The following NRF1 variants were observed in gnomAD, a reference collection of about 807,000 sequenced individuals.
The protein encoded by NRF1 is alpha palindromic-binding protein.
Under a neutral mutation model 58.5 loss-of-function variants are expected in NRF1, and 5 were observed. The observed-to-expected ratio is 0.09, with a 90% CI of 0.04 to 0.18. The LOEUF is 0.18. NRF1 is among the 10% of genes least tolerant of loss of function. The pLI is 1.00. For synonymous variants in NRF1, 224 were observed against 246.7 expected, an observed-to-expected ratio of 0.91 and a Z score of 0.86; for missense variants, 288 against 657.7, an observed-to-expected ratio of 0.44 and a Z score of 6.15.
intron 1 of NRF1, among the ~76,000 whole-genome samples, chr7:129,622,766 C>T (rs1452568103): frequency 6.6e-6 from 1 of 152,054 alleles, no homozygotes; most frequent in African/African-American, 2.4e-5. Context: ...GACAGGATTT[C>T]ACCACGTTAG....
chr7:129,709,380 A>G (rs1399965508), intron 6 of NRF1, 147 bp downstream of exon 6: 2 of 558,196 alleles, frequency 3.6e-6, no homozygotes, highest in Non-Finnish European at 5.6e-6. Flanking sequence ...TTTGATTTAT[A>G]GCCTTTTCCA....
At chr7:129,637,701 A>G (rs1376468155) in intron 1 of NRF1, among the ~76,000 whole-genome samples, 1 of 152,138 alleles carries the variant, frequency 6.6e-6, no homozygotes, top group Admixed American at 6.6e-5. Flanking sequence ...CCATCATTTT[A>G]TGGATTTTTT....
intron 2 of NRF1, among the ~76,000 whole-genome samples, chr7:129,665,873 C>T (rs1801908821): frequency 6.6e-6 from 1 of 152,206 alleles, no homozygotes; most frequent in Admixed American, 6.5e-5. Context: ...CTTGGCCTCC[C>T]AGAGTGTTGG....
At chr7:129,619,486 GTGTGTATATA>G (rs1201773030) in intron 1 of NRF1, among the ~76,000 whole-genome samples, 2,849 of 32,324 alleles carry the variant, frequency 0.088, 172 homozygotes, top group Non-Finnish European at 0.13. Context: ...GTGTGTGTGT[GTGTGTATATA>G]TATATATATA....
chr7:129,620,365 T>C (rs1163179254), intron 1 of NRF1, among the ~76,000 whole-genome samples: 1 of 151,570 alleles, frequency 6.6e-6, no homozygotes, highest in African/African-American at 2.4e-5. Context: ...CAGTAGGCTT[T>C]ATGGGGTAGG....
At chr7:129,645,036 T>G (rs1299178594) in intron 1 of NRF1, among the ~76,000 whole-genome samples, 2 of 150,468 alleles carry the variant, frequency 1.3e-5, no homozygotes, top group Non-Finnish European at 2.9e-5. Flanking sequence ...AAACATTATT[T>G]CACCCAGTGT....
At chr7:129,723,963 CT>C (rs1260591106) in intron 9 of NRF1, among the ~76,000 whole-genome samples, 2 of 152,134 alleles carry the variant, frequency 1.3e-5, no homozygotes, top group Non-Finnish European at 2.9e-5. Flanking sequence ...CTATAAAACT[CT>C]TTGAAGAAAA....
At chr7:129,725,196 G>A (rs1159634757) in intron 9 of NRF1, among the ~76,000 whole-genome samples, 1 of 152,172 alleles carries the variant, frequency 6.6e-6, no homozygotes, top group Non-Finnish European at 1.5e-5. Context: ...GATGAATGAT[G>A]GTGATGGCTG....
At chr7:129,677,830 G>GTCAAGTA in intron 4 of NRF1, 72 bp downstream of exon 4, 1 of 1,579,026 alleles carries the variant, frequency 6.3e-7, no homozygotes, top group Non-Finnish European at 8.6e-7. Flanking sequence ...CTGATCCTCT[G>GTCAAGTA]TCAAGTATAA....
intron 5 of NRF1, among the ~76,000 whole-genome samples, chr7:129,696,309 A>G (rs1802697538): frequency 6.6e-6 from 1 of 152,296 alleles, no homozygotes; most frequent in South Asian, 2.1e-4. Context: ...TGTTTTACGC[A>G]AAGATTACTT....
chr7:129,675,674 T>C (rs747584811), intron 3 of NRF1, among the ~76,000 whole-genome samples: 1 of 152,230 alleles, frequency 6.6e-6, no homozygotes, highest in Non-Finnish European at 1.5e-5. Flanking sequence ...GAATTTTTTT[T>C]TCTGAGCAGT....
chr7:129,652,766 A>G (rs577281059), intron 1 of NRF1, among the ~76,000 whole-genome samples: 122 of 151,750 alleles, frequency 8.0e-4, no homozygotes, highest in Non-Finnish European at 1.4e-3. Flanking sequence ...AATTTTTTGT[A>G]TTTTTTTAGT....
At chr7:129,682,445 A>C (rs1802338001) in intron 4 of NRF1, among the ~76,000 whole-genome samples, 1 of 151,696 alleles carries the variant, frequency 6.6e-6, no homozygotes, top group Non-Finnish European at 1.5e-5. Flanking sequence ...ATGACAGAGC[A>C]AGACCCTGTC....
At chr7:129,663,075 A>T (rs1486067616) in intron 2 of NRF1, among the ~76,000 whole-genome samples, 1 of 152,256 alleles carries the variant, frequency 6.6e-6, no homozygotes, top group African/African-American at 2.4e-5. Context: ...GGTTGGGGGT[A>T]AGTTAAAGAT....
chr7:129,613,955 T>G (rs1441379626), intron 1 of NRF1, among the ~76,000 whole-genome samples: 1 of 152,156 alleles, frequency 6.6e-6, no homozygotes, highest in African/African-American at 2.4e-5. Flanking sequence ...CTTAATCTTT[T>G]GGCCCATCCT....
At chr7:129,673,969 A>G (rs1364774758) in intron 3 of NRF1, among the ~76,000 whole-genome samples, 1 of 151,842 alleles carries the variant, frequency 6.6e-6, no homozygotes, top group Non-Finnish European at 1.5e-5. Flanking sequence ...GTGAAACCCC[A>G]TCTCTACTAA....
At chr7:129,688,684 G>A (rs1453766177) in intron 4 of NRF1, among the ~76,000 whole-genome samples, 1 of 145,514 alleles carries the variant, frequency 6.9e-6, no homozygotes, top group Non-Finnish European at 1.5e-5. Flanking sequence ...ATAGTGGCAG[G>A]AGAGAGACAG....
At chr7:129,696,082 A>AAG (rs1802689405) in intron 5 of NRF1, among the ~76,000 whole-genome samples, 1 of 144,642 alleles carries the variant, frequency 6.9e-6, no homozygotes, top group Non-Finnish European at 1.5e-5. Context: ...AAAAAAAAAA[A>AAG]AAAACAACCA....
intron 2 of NRF1, among the ~76,000 whole-genome samples, chr7:129,662,101 C>T (rs77857812): frequency 0.01 from 1,523 of 148,202 alleles, 19 homozygotes; most frequent in Non-Finnish European, 0.017. Flanking sequence ...AGAACAGCAC[C>T]GGAAAGACCT....
Sources: gnomAD v4.1 joint callset for allele counts (sites outside exome capture counted in the v4.1 genomes callset) on GRCh38, gnomAD v4.1.1 for gene constraint, MANE v1.5 for transcripts, NCBI Gene and HGNC (gene_info 2026-07-23, HGNC 2026-07-21) for gene names.